Variants in GALNT12 observed in about 807,000 individuals in gnomAD.
GALNT12 encodes UDP-GalNAc:polypeptide N-acetylgalactosaminyltransferase 12.
Under a neutral mutation model 55.5 loss-of-function variants are expected in GALNT12, and 45 were observed. The ratio of observed to expected loss-of-function variants is 0.81; its 90% confidence interval spans 0.64 to 1.04. The LOEUF is 1.04. GALNT12 is among the 50% of genes least tolerant of loss of function. The pLI is 0.00. For missense variants in GALNT12, 709 were observed against 754.8 expected, an observed-to-expected ratio of 0.94 and a Z score of 0.71; for synonymous variants, 304 against 312.2, an observed-to-expected ratio of 0.97 and a Z score of 0.28.
At chr9:98,840,487 C>T (rs1836262798) in intron 7 of GALNT12, among the ~76,000 whole-genome samples, 1 of 152,168 alleles carries the variant, frequency 6.6e-6, no homozygotes, top group East Asian at 1.9e-4. Flanking sequence ...GTTTGGAAGT[C>T]TACAGAGGCA....
At chr9:98,830,301 G>A (rs1320889967) in intron 3 of GALNT12, among the ~76,000 whole-genome samples, 1 of 152,202 alleles carries the variant, frequency 6.6e-6, no homozygotes, top group East Asian at 1.9e-4. Flanking sequence ...CCATCCAGGG[G>A]CTTTTGGAAA....
At position 98,837,160 on chromosome 9, in the gene GALNT12, G is replaced by A. The variant is rs768850294; in HGVS notation, c.1212+12G>A. On this transcript the variant is annotated intron_variant, in intron 6 of 9. Coordinates refer to ENST00000375011, the MANE Select transcript of GALNT12 (RefSeq NM_024642.5). ...CCCGTGCCCGCTTGGTGAGTTCCTC[G>A]GCCCACCTGCACTCCATCTGGCTTC... 1.5e-5 allele frequency: 25 copies of A among 1,613,780 alleles called. No individual in the cohort carries two copies. Among genetic ancestry groups the A allele is most frequent in the Middle Eastern group, 1.6e-4 (1 of 6,084 alleles).
At chr9:98,840,512 G>A (rs1312803501) in intron 7 of GALNT12, among the ~76,000 whole-genome samples, 2 of 152,092 alleles carry the variant, frequency 1.3e-5, no homozygotes, top group Admixed American at 1.3e-4. Flanking sequence ...TGGGTATAGG[G>A]GAGTCACTTC....
intron 1 of GALNT12, among the ~76,000 whole-genome samples, chr9:98,810,079 A>T (rs1835463120): frequency 6.6e-6 from 1 of 152,188 alleles, no homozygotes; most frequent in South Asian, 2.1e-4. Context: ...ATGTAACTTC[A>T]GAGTGGTCAG....
rs142210894 is a variant in GALNT12 at position 98,826,756 on chromosome 9, C to T, written c.546C>T (p.His182=). 29 of 1,611,156 alleles carry T rather than the reference C, an allele frequency of 1.8e-5. No homozygotes were observed. In the African/African-American group the frequency reaches 3.7e-4, roughly 21 times the overall value. ...ILVDDYSDRE[H]LKERLANELS... is the part of the protein sequence containing the mutation. ...TTGCTTTGTTTGCCTCCCTAGAGCA[C>T]CTGAAGGAGCGCTTGGCCAATGAGC... The change falls in exon 3 of 10, where the codon CAC becomes CAT. Residue 182 remains histidine (H), a synonymous_variant. Transcript: ENST00000375011.
chr9:98,807,722 G>T lies in GALNT12; in HGVS notation c.24G>T (p.Arg8=). 8.5e-7 allele frequency: 1 copy of T among 1,180,800 alleles called. No individual in the cohort carries two copies. The highest frequency in any genetic ancestry group is 1.0e-6 in the Non-Finnish European group (1 of 952,700). The allele number at this position is 1,180,800 out of a possible 1,614,324, so 73.1% of individuals were successfully genotyped here. MWGRTAR[R]RCPRELRRGR... ...GCATGTGGGGGCGCACGGCGCGGCGGCGCTGCCCGCGGGAACTGCGGCGCG... is the reference window on the plus strand; with the variant it reads ...GCATGTGGGGGCGCACGGCGCGGCGTCGCTGCCCGCGGGAACTGCGGCGCG... Residue 8 remains arginine, a synonymous_variant, in exon 1 of 10, where the codon CGG becomes CGT. Transcript: ENST00000375011.
intron 1 of GALNT12, among the ~76,000 whole-genome samples, chr9:98,816,843 GAC>G (rs1835623409): frequency 8.5e-6 from 1 of 117,890 alleles, no homozygotes; most frequent in Non-Finnish European, 1.7e-5. Flanking sequence ...TTTTTTTTGA[GAC>G]ACAGTCTTGC....
chr9:98,824,451 A>G (rs941457115), intron 2 of GALNT12, among the ~76,000 whole-genome samples: 3 of 152,150 alleles, frequency 2.0e-5, no homozygotes, highest in Non-Finnish European at 4.4e-5. Context: ...TTCTCCACAC[A>G]TCCCATTGAG....
chr9:98,811,441 A>C (rs1462195177), intron 1 of GALNT12, among the ~76,000 whole-genome samples: 1 of 152,216 alleles, frequency 6.6e-6, no homozygotes, highest in Non-Finnish European at 1.5e-5. Flanking sequence ...GGAGTAACAG[A>C]CAGTGCCCTC....
chr9:98,836,948 G>C (rs766239934), intron 5 of GALNT12, 24 bp from the exon 6 acceptor site: 4 of 1,613,510 alleles, frequency 2.5e-6, no homozygotes, highest in Non-Finnish European at 3.4e-6. Context: ...TCACCACCTG[G>C]CCTCTCCTTT....
chr9:98,843,450 A>G (rs1316815920), intron 7 of GALNT12, among the ~76,000 whole-genome samples: 1 of 150,688 alleles, frequency 6.6e-6, no homozygotes, highest in Non-Finnish European at 1.5e-5. Context: ...CTTATTGCCC[A>G]GGCTGGAGTG....
In GALNT12 at chr9:98,823,243, G is replaced by A. The variant is rs374167975; in HGVS notation, c.372-13G>A. 5.4e-5 allele frequency: 87 copies of A among 1,613,478 alleles called. No individual in the cohort carries two copies. The highest frequency in any genetic ancestry group is 1.9e-4 in the African/African-American group (14 of 75,034). ...CTAGATCCTGAGTTCCTGAAGTTCCGCTGTATTTGCAGGTGCAAAGAGAAG... is the reference window on the plus strand; with the variant it reads ...CTAGATCCTGAGTTCCTGAAGTTCCACTGTATTTGCAGGTGCAAAGAGAAG... On this transcript the variant is annotated splice_polypyrimidine_tract_variant and intron_variant, in intron 1 of 9. Transcript: ENST00000375011.
chr9:98,817,360 TGAA>T (rs1195216186), intron 1 of GALNT12, among the ~76,000 whole-genome samples: 2 of 152,258 alleles, frequency 1.3e-5, no homozygotes, highest in African/African-American at 4.8e-5. Context: ...GGCTTAATAA[TGAA>T]GACGCAGTTA....
rs150946638 is a variant in GALNT12, at chr9:98,831,880, C to T, written c.840C>T (p.Asp280=). Residue 280 remains aspartate (D), a synonymous_variant, in exon 4 of 10, where the codon GAC becomes GAT. Coordinates refer to ENST00000375011, the MANE Select transcript of GALNT12 (RefSeq NM_024642.5). The part of the protein sequence containing the change: ...NSGEPQIGGF[D]WRLVFTWHTV... ...GGGAGCCCCAGATCGGCGGTTTCGA[C>T]TGGAGGCTGGTGTTCACGTGGCACA... is the stretch of plus-strand genomic sequence containing the variant. 651 of 1,614,140 alleles carry T rather than the reference C, an allele frequency of 4.0e-4. 3 individuals are homozygous for T. The highest frequency in any genetic ancestry group is 4.7e-4 in the Non-Finnish European group (556 of 1,180,024).
intron 2 of GALNT12, 49 bp downstream of exon 2, chr9:98,823,474 G>A: frequency 1.9e-6 from 3 of 1,556,808 alleles, no homozygotes; most frequent in Non-Finnish European, 1.8e-6. Flanking sequence ...CTGTAGCAGT[G>A]TCTGGGAGGT....
intron 9 of GALNT12, among the ~76,000 whole-genome samples, chr9:98,847,922 C>A (rs184206378): frequency 2.5e-4 from 38 of 151,060 alleles, no homozygotes; most frequent in Admixed American, 2.4e-3. Context: ...AAGCGATTCT[C>A]CTGTCTCAGT....
intron 2 of GALNT12, among the ~76,000 whole-genome samples, chr9:98,823,760 G>A (rs1260693129): frequency 6.6e-6 from 1 of 152,218 alleles, no homozygotes; most frequent in African/African-American, 2.4e-5. Flanking sequence ...AGCTTGATGG[G>A]GAGCTTTGCA....
At chr9:98,847,061 G>A (rs1687173024) in intron 9 of GALNT12, 1 of 152,148 alleles carries the variant, frequency 6.6e-6, no homozygotes, top group Admixed American at 6.5e-5. Flanking sequence ...CCTCAGACCT[G>A]AGGGTGCTGG....
chr9:98,849,105 CAAGGAGCCCATCG>C lies in GALNT12; in HGVS notation c.*20_*32del. 1 of 1,614,036 alleles carries C rather than the reference CAAGGAGCCCATCG, an allele frequency of 6.2e-7. No individual in the cohort carries two copies. Among genetic ancestry groups the C allele is most frequent in the Non-Finnish European group, 8.5e-7 (1 of 1,179,918 alleles). On this transcript the variant is annotated 3_prime_UTR_variant, in exon 10 of 10. Transcript: ENST00000375011. ...GCGCATGTTATGAAGCCTCGTGTAT[CAAGGAGCCCATCG>C]AAGGAGACTGTGGAGCCAGGACTCT...
Sources: gnomAD v4.1 joint callset for allele counts (sites outside exome capture counted in the v4.1 genomes callset) on GRCh38, gnomAD v4.1.1 for gene constraint, MANE v1.5 for transcripts, NCBI Gene and HGNC (gene_info 2026-07-23, HGNC 2026-07-21) for gene names.